The following MRPS6 variants were observed in gnomAD, a reference collection of about 807,000 sequenced individuals.
MRPS6 encodes small ribosomal subunit protein bS6m.
A neutral mutation model predicts 13.1 loss-of-function variants in MRPS6; 6 were observed. That is an observed-to-expected ratio of 0.46 (90% CI 0.25 to 0.91). The LOEUF is 0.91. MRPS6 is among the 40% of genes least tolerant of loss of function. MRPS6 has a pLI of 0.18. For missense variants in MRPS6, 164 were observed against 155.6 expected, an observed-to-expected ratio of 1.05 and a Z score of -0.29; for synonymous variants, 61 against 56.5, an observed-to-expected ratio of 1.08 and a Z score of -0.36.
At chr21:34,135,725 G>C in intron 2 of MRPS6, 1 of 419,030 alleles carries the variant, frequency 2.4e-6, no homozygotes. Context: ...ACCTGGAGGT[G>C]AGGGTTCTCG....
intron 2 of MRPS6, among the ~76,000 whole-genome samples, chr21:34,126,160 G>C (rs898378198): frequency 1.3e-5 from 2 of 151,824 alleles, no homozygotes; most frequent in African/African-American, 2.4e-5. Flanking sequence ...GAGTAGAAGA[G>C]TCAGCTCTCT....
intron 1 of MRPS6, chr21:34,102,977 T>C: frequency 2.0e-6 from 2 of 998,902 alleles, no homozygotes; most frequent in Non-Finnish European, 2.4e-6. Context: ...GATAAAAGAG[T>C]GTTTACTTTT....
intron 1 of MRPS6, among the ~76,000 whole-genome samples, chr21:34,094,120 T>A (rs1250293266): frequency 1.3e-5 from 2 of 152,250 alleles, no homozygotes; most frequent in Non-Finnish European, 2.9e-5. Context: ...TAAAGTTTGC[T>A]TTTTATCTTC....
intron 1 of MRPS6, chr21:34,104,847 ATAGT>A (rs1434503442): frequency 5.0e-6 from 5 of 999,930 alleles, no homozygotes; most frequent in African/African-American, 3.5e-5. Flanking sequence ...TAAATTTAAG[ATAGT>A]TTGTAAGAAC....
chr21:34,101,150 A>C (rs1047869065), intron 1 of MRPS6: 2 of 1,000,170 alleles, frequency 2.0e-6, no homozygotes, highest in Non-Finnish European at 2.4e-6. Flanking sequence ...ATTAAGTGAG[A>C]TAAGTACCTG....
rs11433558 is a variant in MRPS6 at position 34,103,315 on chromosome 21, T to TAAAAAAAA, written c.46-22017_46-22010dup. On this transcript the variant is annotated intron_variant, in intron 1 of 2. Transcript: ENST00000399312. ...ATTTTGTCGTAACTAGTGAAGGAAG[T>TAAAAAAAA]AAAAAAAAAAAAAAAACATGCATTA... 1.9e-4 allele frequency: 170 copies of TAAAAAAAA among 911,590 alleles called. No homozygotes were observed. The South Asian group carries it at 3.5e-3, about 19-fold the overall frequency. 56.5% of individuals were successfully genotyped at this position (911,590 alleles called of 1,614,324 possible).
At chr21:34,115,097 C>T (rs1036278403) in intron 1 of MRPS6, among the ~76,000 whole-genome samples, 2 of 152,212 alleles carry the variant, frequency 1.3e-5, no homozygotes, top group African/African-American at 4.8e-5. Flanking sequence ...CATGCATTAT[C>T]TCACTGAGAA....
At chr21:34,113,474 C>A (rs563290700) in intron 1 of MRPS6, among the ~76,000 whole-genome samples, 1 of 152,312 alleles carries the variant, frequency 6.6e-6, no homozygotes, top group Admixed American at 6.5e-5. Context: ...AGAAAGACAA[C>A]ATATGATTTC....
At chr21:34,140,218 G>A (rs1980861076) in intron 2 of MRPS6, among the ~76,000 whole-genome samples, 1 of 149,944 alleles carries the variant, frequency 6.7e-6, no homozygotes, top group Non-Finnish European at 1.5e-5. Context: ...CTATTGATTC[G>A]AGGCCTTTTT....
In MRPS6 at chr21:34,096,270, C is replaced by T; in HGVS notation, c.45+22525C>T. The T allele has an allele frequency of 6.2e-7, 1 of 1,614,130 alleles. No individual in the cohort carries two copies. Among genetic ancestry groups the T allele is most frequent in the Non-Finnish European group, 8.5e-7 (1 of 1,180,016 alleles). ...TGCTTACCCACGCCTGGTGATGAAG[C>T]TGGTTCCTGTGGGCCTTCGGGGTTT... On this transcript the variant is annotated intron_variant, in intron 1 of 2. Coordinates refer to ENST00000399312, the MANE Select transcript of MRPS6 (RefSeq NM_032476.4). This position sits in a 1 kb window ranked among gnomAD's most constrained non-coding sequence, Gnocchi z 5.9.
intron 1 of MRPS6, chr21:34,122,147 T>G (rs1980142260): frequency 6.6e-6 from 1 of 152,272 alleles, no homozygotes; most frequent in African/African-American, 2.4e-5. Flanking sequence ...GTAAATAGTT[T>G]AGGCTCTGGG....
chr21:34,125,551 TA>T, intron 2 of MRPS6, 71 bp downstream of exon 2: 1 of 1,559,052 alleles, frequency 6.4e-7, no homozygotes, highest in East Asian at 2.3e-5. Context: ...CAATTACTAT[TA>T]GAAGTTCTTA....
chr21:34,140,135 C>T (rs1408629813), intron 2 of MRPS6, among the ~76,000 whole-genome samples: 2 of 150,886 alleles, frequency 1.3e-5, no homozygotes, highest in East Asian at 1.9e-4. Context: ...GGGGATTTCT[C>T]CTCTCTCTCT....
chr21:34,118,855 A>G (rs1284637774), intron 1 of MRPS6, among the ~76,000 whole-genome samples: 1 of 152,126 alleles, frequency 6.6e-6, no homozygotes, highest in Non-Finnish European at 1.5e-5. Context: ...AATATGATTC[A>G]TAAGCAAAGG....
At chr21:34,127,960 C>T (rs920747258) in intron 2 of MRPS6, among the ~76,000 whole-genome samples, 2 of 152,170 alleles carry the variant, frequency 1.3e-5, no homozygotes, top group Non-Finnish European at 2.9e-5. Flanking sequence ...TACGGCAAGG[C>T]GCTGATTTGA....
chr21:34,089,625 G>A (rs934735260), intron 1 of MRPS6, among the ~76,000 whole-genome samples: 99 of 152,068 alleles, frequency 6.5e-4, no homozygotes, highest in African/African-American at 2.3e-3. Context: ...TGAGGAAATG[G>A]TTTACTTTGG....
At chr21:34,077,704 G>A (rs1326732320) in intron 1 of MRPS6, among the ~76,000 whole-genome samples, 1 of 152,110 alleles carries the variant, frequency 6.6e-6, no homozygotes, top group Non-Finnish European at 1.5e-5. Flanking sequence ...TTTACATTTA[G>A]ATAACTCATT....
At chr21:34,130,791 C>T (rs1039593548) in intron 2 of MRPS6, among the ~76,000 whole-genome samples, 1 of 152,208 alleles carries the variant, frequency 6.6e-6, no homozygotes, top group African/African-American at 2.4e-5. Context: ...CTCCTCACTT[C>T]CACTTCTGCA....
At chr21:34,095,618 G>T in intron 1 of MRPS6, 1 of 1,613,642 alleles carries the variant, frequency 6.2e-7, no homozygotes, top group Non-Finnish European at 8.5e-7. Flanking sequence ...CCAAGCTCTC[G>T]GTGGATCTGT....
Sources: gnomAD v4.1 joint callset for allele counts (sites outside exome capture counted in the v4.1 genomes callset) on GRCh38, gnomAD v4.1.1 for gene constraint, Gnocchi (gnomAD v3.1) non-coding constraint, MANE v1.5 for transcripts, NCBI Gene and HGNC (gene_info 2026-07-23, HGNC 2026-07-21) for gene names.